PRUNE2: variants seen among roughly 807,000 people sequenced by gnomAD.
The protein encoded by PRUNE2 is prune homolog 2 with BCH domain, also known as protein prune homolog 2.
PRUNE2 carries 164 observed loss-of-function variants against 252.0 expected under a neutral mutation model. That is an observed-to-expected ratio of 0.65 (90% CI 0.57 to 0.74). The LOEUF (loss-of-function observed/expected upper bound fraction) is 0.74, where lower values mean the gene tolerates loss of function less well. PRUNE2 is among the 30% of genes least tolerant of loss of function. The pLI, the probability that PRUNE2 is intolerant of heterozygous loss-of-function variation, is 0.00. For missense variants in PRUNE2, 3,495 were observed against 3,711.0 expected (o/e 0.94, Z 1.51); for synonymous variants, 1,292 against 1,350.2 (o/e 0.96, Z 0.94).
chr9:76,800,941 T>C (rs1364038679), intron 6 of PRUNE2, among the ~76,000 whole-genome samples: 1 of 152,118 alleles, frequency 6.6e-6, no homozygotes, highest in Admixed American at 6.6e-5. Flanking sequence ...AGTAAAGCAG[T>C]GATAAAAGCA....
intron 1 of PRUNE2, chr9:76,868,837 T>TGGGGGGGGGGGGGGGGGGGGGGG (rs111357062): frequency 1.3e-5 from 1 of 77,100 alleles, no homozygotes; most frequent in African/African-American, 4.1e-5. Context: ...CCTTGGGGGG[T>TGGGGGGGGGGGGGGGGGGGGGGG]GGGGGGGGGG....
chr9:76,751,583 G>A (rs911465533), intron 6 of PRUNE2, among the ~76,000 whole-genome samples: 2 of 152,046 alleles, frequency 1.3e-5, no homozygotes, highest in African/African-American at 4.8e-5. Flanking sequence ...CTTTAAATTT[G>A]TATCTTCGTG....
rs2046575101 is a variant in PRUNE2, at chr9:76,709,733, T to C, written c.2541A>G (p.Glu847=). ...TCTCACTGGGTGAATTGTCCAGTAG[T>C]TCTGAAGAAGAAAAGGCAAACCCAC... ...AKSGFAFSSS[E]LLDNSPSEIN... is the part of the protein sequence containing the mutation. Residue 847 remains glutamate (E), a synonymous_variant, in exon 8 of 19, where the codon GAA becomes GAG. Transcript: ENST00000376718. The C allele has an allele frequency of 1.2e-6, 2 of 1,614,004 alleles. No homozygotes were observed. The highest frequency in any genetic ancestry group is 1.7e-6 in the Non-Finnish European group (2 of 1,179,892).
intron 12 of PRUNE2, among the ~76,000 whole-genome samples, chr9:76,639,621 T>A (rs542212890): frequency 6.6e-6 from 1 of 152,334 alleles, no homozygotes; most frequent in Non-Finnish European, 1.5e-5. Flanking sequence ...CTGAATTCTA[T>A]GAAGAGGAAG....
chr9:76,839,912 T>C (rs967699988), intron 4 of PRUNE2, among the ~76,000 whole-genome samples: 2 of 152,124 alleles, frequency 1.3e-5, no homozygotes, highest in Non-Finnish European at 2.9e-5. Context: ...TTTTAAGCAA[T>C]TGGGTGGTTT....
At chr9:76,722,902 T>C (rs1349352503) in intron 6 of PRUNE2, among the ~76,000 whole-genome samples, 1 of 152,238 alleles carries the variant, frequency 6.6e-6, no homozygotes, top group African/African-American at 2.4e-5. Flanking sequence ...ACCAAAGATA[T>C]TATTGATTAA....
intron 4 of PRUNE2, among the ~76,000 whole-genome samples, chr9:76,846,247 C>T (rs78849969): frequency 0.029 from 4,445 of 152,256 alleles, 146 homozygotes; most frequent in Admixed American, 0.078. Flanking sequence ...TATTCCAGCT[C>T]CCTAACAGAG....
intron 11 of PRUNE2, among the ~76,000 whole-genome samples, chr9:76,647,939 C>T (rs973450105): frequency 4.6e-5 from 7 of 151,998 alleles, no homozygotes; most frequent in South Asian, 2.1e-4. Context: ...TCCAGCCTGG[C>T]GACAGCACGA....
chr9:76,720,683 C>T (rs1452857526), intron 6 of PRUNE2, among the ~76,000 whole-genome samples: 2 of 152,068 alleles, frequency 1.3e-5, no homozygotes, highest in African/African-American at 4.8e-5. Flanking sequence ...AAGATTCTGT[C>T]TGTGGGGACT....
At chr9:76,748,462 T>A (rs1481179955) in intron 6 of PRUNE2, among the ~76,000 whole-genome samples, 1 of 152,126 alleles carries the variant, frequency 6.6e-6, no homozygotes, top group East Asian at 1.9e-4. Flanking sequence ...AGAGAAAATG[T>A]GGATTAGTAA....
intron 1 of PRUNE2, among the ~76,000 whole-genome samples, chr9:76,901,376 A>G (rs1410077936): frequency 6.6e-6 from 1 of 152,202 alleles, no homozygotes; most frequent in Non-Finnish European, 1.5e-5. Flanking sequence ...GCAATGGGGC[A>G]GGAGCTGATC....
chr9:76,692,070 C>G, intron 9 of PRUNE2: 1 of 717,510 alleles, frequency 1.4e-6, no homozygotes, highest in Non-Finnish European at 2.6e-6. Flanking sequence ...CAGGACCCAC[C>G]TACCTTCTGA....
chr9:76,794,371 C>T (rs1237448617), intron 6 of PRUNE2, among the ~76,000 whole-genome samples: 4 of 152,166 alleles, frequency 2.6e-5, no homozygotes, highest in Non-Finnish European at 4.4e-5. Flanking sequence ...AATCCCAGCA[C>T]TTTGGGAGTC....
intron 4 of PRUNE2, among the ~76,000 whole-genome samples, chr9:76,834,919 A>G (rs1432453074): frequency 6.6e-6 from 1 of 152,188 alleles, no homozygotes; most frequent in Admixed American, 6.5e-5. Context: ...ATTGAAACCT[A>G]TTTTTGTAGC....
intron 6 of PRUNE2, among the ~76,000 whole-genome samples, chr9:76,719,446 T>C (rs953987318): frequency 2.0e-5 from 3 of 152,150 alleles, no homozygotes; most frequent in Non-Finnish European, 4.4e-5. Flanking sequence ...TTATTATTGG[T>C]AAATATTTCC....
intron 1 of PRUNE2, among the ~76,000 whole-genome samples, chr9:76,897,411 T>A (rs2062898041): frequency 8.2e-6 from 1 of 122,104 alleles, no homozygotes; most frequent in South Asian, 3.1e-4. Context: ...TTTTTTTTTT[T>A]TTTTTTTTTT....
In PRUNE2 at chr9:76,624,568, G is replaced by C. The variant is rs1833857693; in HGVS notation, c.9150-78C>G. On this transcript the variant is annotated intron_variant, in intron 16 of 18. Transcript: ENST00000376718. Reference sequence around the variant, plus strand: ...CAGCATGAGACAGTCACTCAGCAAAGCAGGGCCAAATGAAAGTGGTGCATA... The same window carrying C: ...CAGCATGAGACAGTCACTCAGCAAACCAGGGCCAAATGAAAGTGGTGCATA... 2.8e-6 allele frequency: 3 copies of C among 1,056,026 alleles called. No individual in the cohort carries two copies. In the Admixed American group the frequency reaches 1.1e-4, roughly 37 times the overall value. 65.4% of individuals were successfully genotyped at this position (1,056,026 alleles called of 1,614,324 possible). A position where few individuals can be genotyped will look rare whatever the true frequency, so the allele number is the denominator to read the frequency against.
chr9:76,867,992 G>C (rs192581957), intron 1 of PRUNE2, among the ~76,000 whole-genome samples: 65 of 152,250 alleles, frequency 4.3e-4, no homozygotes, highest in Middle Eastern at 3.4e-3. Flanking sequence ...TGGAGAAATA[G>C]CCCCAAATTC....
In PRUNE2 at chr9:76,707,818, G is replaced by C. The variant is rs1194883874; in HGVS notation, c.4456C>G (p.Pro1486Ala). Reference sequence around the variant, plus strand: ...ACGTCCCCAAAATCAAGACTTCGGGGAACTCTGTGAGGTGGCCCTCCACCC... The same window carrying C: ...ACGTCCCCAAAATCAAGACTTCGGGCAACTCTGTGAGGTGGCCCTCCACCC... ...NVGGGPPHRV[P>A]RSLDFGDVPI... The change falls in exon 8 of 19, where the codon CCC becomes GCC. Residue 1486 changes from proline (P) to alanine (A), a missense_variant. Coordinates refer to ENST00000376718, the MANE Select transcript of PRUNE2 (RefSeq NM_015225.3). 14 of 1,613,360 alleles carry C rather than the reference G, an allele frequency of 8.7e-6. No homozygotes were observed. The highest frequency in any genetic ancestry group is 1.2e-5 in the Non-Finnish European group (14 of 1,179,678).
Sources: gnomAD v4.1 joint callset for allele counts (sites outside exome capture counted in the v4.1 genomes callset) on GRCh38, gnomAD v4.1.1 for gene constraint, MANE v1.5 for transcripts, NCBI Gene and HGNC (gene_info 2026-07-23, HGNC 2026-07-21) for gene names.